Variants in PHF24 observed in about 807,000 individuals in gnomAD.
PHF24 encodes PHD finger protein 24, also known as Galpha inhibitory interacting protein.
In PHF24, 25 loss-of-function variants were observed where a neutral mutation model predicts 42.6. The observed-to-expected ratio is 0.59, with a 90% confidence interval of 0.43 to 0.82. PHF24 has a LOEUF of 0.82. Ranked by LOEUF, PHF24 falls within the 40% of genes least tolerant of loss-of-function variation. The probability of loss-of-function intolerance (pLI) is 0.00; values close to 1 mark genes in which losing one functional copy is unlikely to be tolerated. For missense variants in PHF24, 470 were observed against 538.1 expected, an observed-to-expected ratio of 0.87 and a Z score of 1.25; for synonymous variants, 185 against 204.8, an observed-to-expected ratio of 0.90 and a Z score of 0.83.
chr9:34,923,049 GTTTT>G, the PHF24 span: 2 of 386,598 alleles, frequency 5.2e-6, no homozygotes, highest in Non-Finnish European at 8.9e-6. Context: ...TTTTGTTTTT[GTTTT>G]TTTTTTTTTT....
Position 34,978,366 on chromosome 9 carries a change from C to T in PHF24, c.*255C>T, listed in dbSNP as rs534216091. The T allele has an allele frequency of 4.8e-4, 245 of 510,632 alleles. 3 individuals are homozygous for T. In the South Asian group the frequency reaches 5.5e-3, roughly 11 times the overall value. The allele number at this position is 510,632 out of a possible 1,614,324, so 31.6% of individuals were successfully genotyped here. On this transcript the variant is annotated 3_prime_UTR_variant, in exon 8 of 8. Transcript: ENST00000242315. The stretch of plus-strand genomic sequence containing the variant: ...GACCGCCCCTGCCCCACATCATAGA[C>T]GGGACCTGCCACCACACTTATATAC...
chr9:34,804,744 A>C, the PHF24 span, among the ~76,000 whole-genome samples: 2 of 152,288 alleles, frequency 1.3e-5, no homozygotes, highest in Non-Finnish European at 2.9e-5. Flanking sequence ...ATGCATACCA[A>C]ATCCACCCAC....
the PHF24 span, chr9:34,832,912 C>T: frequency 5.2e-6 from 8 of 1,551,516 alleles, no homozygotes; most frequent in Non-Finnish European, 7.0e-6. Flanking sequence ...ACTCTTTCTC[C>T]CCAGGGACTC....
At chr9:34,684,239 G>A in the PHF24 span, among the ~76,000 whole-genome samples, 1 of 152,180 alleles carries the variant, frequency 6.6e-6, no homozygotes, top group African/African-American at 2.4e-5. Flanking sequence ...CTAGAATAGT[G>A]CCTGGAATGA....
chr9:34,859,503 T>G, the PHF24 span, among the ~76,000 whole-genome samples: 1 of 152,194 alleles, frequency 6.6e-6, no homozygotes, highest in Non-Finnish European at 1.5e-5. Flanking sequence ...TTTGCTTGTT[T>G]TTTCTAGACC....
At chr9:34,903,000 T>C in the PHF24 span, among the ~76,000 whole-genome samples, 1 of 152,172 alleles carries the variant, frequency 6.6e-6, no homozygotes, top group Non-Finnish European at 1.5e-5. Flanking sequence ...CTGAGCAGCA[T>C]TACCCAGTGC....
the PHF24 span, chr9:34,666,115 G>T: frequency 5.0e-6 from 1 of 201,602 alleles, no homozygotes; most frequent in Non-Finnish European, 1.0e-5. Context: ...AAGGGGTGGG[G>T]TGTTCATGTC....
chr9:34,833,938 C>A, the PHF24 span: 20 of 1,540,332 alleles, frequency 1.3e-5, no homozygotes, highest in Non-Finnish European at 1.6e-5. Flanking sequence ...ACAGAGCAGG[C>A]AGCCCCGACA....
At chr9:34,873,826 C>A in the PHF24 span, among the ~76,000 whole-genome samples, 10 of 151,196 alleles carry the variant, frequency 6.6e-5, no homozygotes, top group African/African-American at 1.9e-4. Context: ...ATTGATTCTT[C>A]CTACCCATGA....
the PHF24 span, among the ~76,000 whole-genome samples, chr9:34,909,048 C>T: frequency 2.0e-5 from 3 of 151,300 alleles, no homozygotes; most frequent in Non-Finnish European, 1.5e-5. Flanking sequence ...TGGGGTTTCA[C>T]CATGTTGGTC....
exon 8 of PHF24, chr9:34,981,704 C>T (rs528950477): frequency 7.9e-5 from 12 of 151,938 alleles, no homozygotes; most frequent in Non-Finnish European, 1.3e-4. Context: ...TTTACCCCTC[C>T]TCTATTTACA....
the PHF24 span, among the ~76,000 whole-genome samples, chr9:34,939,628 C>G: frequency 6.6e-6 from 1 of 152,210 alleles, no homozygotes; most frequent in African/African-American, 2.4e-5. Context: ...TGGAAGCAGA[C>G]CATGAGAAGC....
chr9:34,764,759 C>T, the PHF24 span, among the ~76,000 whole-genome samples: 1 of 152,026 alleles, frequency 6.6e-6, no homozygotes. Flanking sequence ...TGTGTTTGCT[C>T]TTGCTTTTTC....
the PHF24 span, chr9:34,837,771 C>G: frequency 2.0e-6 from 2 of 1,007,226 alleles, no homozygotes; most frequent in African/African-American, 3.2e-5. Flanking sequence ...ATGAGACTTA[C>G]ATTTATTTTC....
At chr9:34,819,143 C>T in the PHF24 span, among the ~76,000 whole-genome samples, 1 of 151,994 alleles carries the variant, frequency 6.6e-6, no homozygotes, top group Non-Finnish European at 1.5e-5. Flanking sequence ...TATAATACTC[C>T]TCAATTCCTG....
chr9:34,684,308 C>T, the PHF24 span, among the ~76,000 whole-genome samples: 3 of 152,118 alleles, frequency 2.0e-5, no homozygotes, highest in African/African-American at 4.8e-5. Context: ...AGGGGTTTTC[C>T]CAGGGCTGGA....
chr9:34,869,912 CA>C, the PHF24 span, among the ~76,000 whole-genome samples: 1 of 152,002 alleles, frequency 6.6e-6, no homozygotes, highest in Non-Finnish European at 1.5e-5. Context: ...AGTTTTCAAC[CA>C]AAAAAGTAAT....
the PHF24 span, among the ~76,000 whole-genome samples, chr9:34,861,824 A>G: frequency 6.6e-6 from 1 of 152,254 alleles, no homozygotes; most frequent in Admixed American, 6.5e-5. Flanking sequence ...TCATTGCCTC[A>G]GAGTATCTTC....
At chr9:34,761,735 G>A in the PHF24 span, among the ~76,000 whole-genome samples, 2 of 152,064 alleles carry the variant, frequency 1.3e-5, no homozygotes, top group Admixed American at 1.3e-4. Context: ...TAGGGTACAT[G>A]TGCACAATGT....
Sources: gnomAD v4.1 joint callset for allele counts (sites outside exome capture counted in the v4.1 genomes callset) on GRCh38, gnomAD v4.1.1 for gene constraint, MANE v1.5 for transcripts, NCBI Gene and HGNC (gene_info 2026-07-23, HGNC 2026-07-21) for gene names.